The following PSD3 variants were observed in gnomAD, a reference collection of about 807,000 sequenced individuals.
PSD3 encodes the protein PH and SEC7 domain-containing protein 3.
A neutral mutation model predicts 105.5 loss-of-function variants in PSD3; 49 were observed. The ratio of observed to expected loss-of-function variants is 0.46; its 90% CI spans 0.37 to 0.59. The LOEUF (loss-of-function observed/expected upper bound fraction) is 0.59. Ranked by LOEUF, PSD3 falls within the 20% of genes least tolerant of loss-of-function variation. The pLI is 0.00. For synonymous variants in PSD3, 557 were observed against 457.8 expected (o/e 1.22, Z -2.77); for missense variants, 1,561 against 1,263.8 (o/e 1.24, Z -3.57).
chr8:18,953,480 G>A (rs370364604), intron 1 of PSD3, among the ~76,000 whole-genome samples: 1 of 152,310 alleles, frequency 6.6e-6, no homozygotes, highest in African/African-American at 2.4e-5. Flanking sequence ...CGGGTGTGGT[G>A]GCTCACGCCT....
At chr8:18,554,486 A>C (rs968117508) in intron 15 of PSD3, among the ~76,000 whole-genome samples, 3 of 152,166 alleles carry the variant, frequency 2.0e-5, no homozygotes, top group African/African-American at 7.2e-5. Flanking sequence ...TTCTCTTAGT[A>C]GAGTTCTCCG....
chr8:18,606,245 C>T (rs1268874059), intron 11 of PSD3, among the ~76,000 whole-genome samples: 1 of 152,162 alleles, frequency 6.6e-6, no homozygotes, highest in Non-Finnish European at 1.5e-5. Flanking sequence ...GTGACTTATT[C>T]ACTCTTTCAT....
At chr8:18,778,956 T>C (rs996119446) in intron 8 of PSD3, among the ~76,000 whole-genome samples, 1 of 152,096 alleles carries the variant, frequency 6.6e-6, no homozygotes, top group Non-Finnish European at 1.5e-5. Flanking sequence ...ATCAAGGTAA[T>C]TCTGGCCTCA....
At chr8:19,042,728 T>G (rs967880064) in intron 1 of PSD3, among the ~76,000 whole-genome samples, 2 of 152,226 alleles carry the variant, frequency 1.3e-5, no homozygotes, top group Non-Finnish European at 2.9e-5. Flanking sequence ...TACAATGCTA[T>G]TGAGCACAGA....
chr8:19,039,078 A>C (rs1194646000), intron 1 of PSD3, among the ~76,000 whole-genome samples: 2 of 152,028 alleles, frequency 1.3e-5, no homozygotes, highest in Non-Finnish European at 2.9e-5. Flanking sequence ...CACTGCTGAA[A>C]CTGCTTTCTA....
chr8:18,563,392 T>C (rs2130230361), intron 14 of PSD3, among the ~76,000 whole-genome samples: 1 of 152,288 alleles, frequency 6.6e-6, no homozygotes, highest in East Asian at 1.9e-4. Flanking sequence ...GACTGTTTCC[T>C]TTGTGCTGTC....
At chr8:18,793,590 G>C (rs1809950790) in intron 8 of PSD3, among the ~76,000 whole-genome samples, 1 of 152,164 alleles carries the variant, frequency 6.6e-6, no homozygotes, top group South Asian at 2.1e-4. Context: ...GACTCCAAAG[G>C]AGAAGGCAGT....
chr8:19,053,479 T>G (rs2129477250), intron 1 of PSD3, among the ~76,000 whole-genome samples: 1 of 152,216 alleles, frequency 6.6e-6, no homozygotes, highest in Non-Finnish European at 1.5e-5. Context: ...TAAGATGAAC[T>G]TGGAAAAACA....
At chr8:18,917,496 A>T (rs752698461) in intron 2 of PSD3, among the ~76,000 whole-genome samples, 1 of 152,328 alleles carries the variant, frequency 6.6e-6, no homozygotes, top group East Asian at 1.9e-4. Context: ...GTTCTTGGAA[A>T]CCAAGACTTT....
At chr8:19,052,877 G>C (rs1251135144) in intron 1 of PSD3, among the ~76,000 whole-genome samples, 1 of 152,108 alleles carries the variant, frequency 6.6e-6, no homozygotes, top group East Asian at 1.9e-4. Context: ...AATGTGAGTA[G>C]GTAGAGGAAG....
At chr8:18,614,053 G>T (rs1268522683) in intron 11 of PSD3, among the ~76,000 whole-genome samples, 1 of 152,028 alleles carries the variant, frequency 6.6e-6, no homozygotes. Context: ...AATTCCTAAG[G>T]GCCCAATAAA....
chr8:18,978,713 C>G (rs1462167087), intron 1 of PSD3, among the ~76,000 whole-genome samples: 5 of 152,214 alleles, frequency 3.3e-5, no homozygotes, highest in Non-Finnish European at 7.3e-5. Context: ...GCAGCAGACA[C>G]TGCTTCAGAG....
intron 4 of PSD3, among the ~76,000 whole-genome samples, chr8:18,819,190 A>G (rs547448881): frequency 2.0e-5 from 3 of 152,332 alleles, no homozygotes; most frequent in Non-Finnish European, 2.9e-5. Flanking sequence ...ATGACAAGGT[A>G]AACAGCTGTT....
intron 1 of PSD3, among the ~76,000 whole-genome samples, chr8:19,074,655 C>T (rs1296147261): frequency 1.7e-5 from 2 of 116,436 alleles, no homozygotes; most frequent in African/African-American, 7.2e-5. Flanking sequence ...GAGTCTCGCT[C>T]TGTGGCCCAG....
At chr8:18,951,860 C>G (rs1823256051) in intron 1 of PSD3, among the ~76,000 whole-genome samples, 1 of 151,894 alleles carries the variant, frequency 6.6e-6, no homozygotes, top group South Asian at 2.1e-4. Context: ...TGGTGGGTGC[C>G]TGTAATCCTG....
At chr8:18,910,282 A>G (rs550912834) in intron 2 of PSD3, among the ~76,000 whole-genome samples, 193 of 145,082 alleles carry the variant, frequency 1.3e-3, no homozygotes, top group African/African-American at 4.5e-3. Flanking sequence ...TGTGGCACAT[A>G]TACACCATGG....
intron 11 of PSD3, among the ~76,000 whole-genome samples, chr8:18,605,849 T>G (rs911473586): frequency 6.6e-6 from 1 of 152,134 alleles, no homozygotes; most frequent in Non-Finnish European, 1.5e-5. Context: ...CTTTCTCCTG[T>G]GGCCATGTGA....
At chr8:18,538,598 T>C (rs933863221) in intron 15 of PSD3, among the ~76,000 whole-genome samples, 1 of 152,012 alleles carries the variant, frequency 6.6e-6, no homozygotes, top group African/African-American at 2.4e-5. Flanking sequence ...GGCATACGAT[T>C]TCATGAAGCT....
chr8:18,745,538 G>A (rs1200755083), intron 9 of PSD3, among the ~76,000 whole-genome samples: 1 of 152,138 alleles, frequency 6.6e-6, no homozygotes, highest in Non-Finnish European at 1.5e-5. Flanking sequence ...GGCACCACAA[G>A]ATGTTCTAGG....
Sources: gnomAD v4.1 joint callset for allele counts (sites outside exome capture counted in the v4.1 genomes callset) on GRCh38, gnomAD v4.1.1 for gene constraint, MANE v1.5 for transcripts, NCBI Gene and HGNC (gene_info 2026-07-23, HGNC 2026-07-21) for gene names.